The following IGF2BP2 variants were observed in gnomAD, a reference collection of about 807,000 sequenced individuals.
IGF2BP2 encodes insulin like growth factor 2 mRNA binding protein 2.
Under a neutral mutation model 75.8 loss-of-function variants are expected in IGF2BP2, and 17 were observed. The ratio of observed to expected loss-of-function variants is 0.22; its 90% CI spans 0.15 to 0.34. The LOEUF is 0.34. IGF2BP2 is among the 10% of genes least tolerant of loss of function. IGF2BP2 has a pLI of 1.00. For synonymous variants in IGF2BP2, 288 were observed against 295.6 expected, an observed-to-expected ratio of 0.97 and a Z score of 0.26; for missense variants, 516 against 772.4, an observed-to-expected ratio of 0.67 and a Z score of 3.93.
intron 2 of IGF2BP2, among the ~76,000 whole-genome samples, chr3:185,735,295 G>A (rs991333962): frequency 3.3e-5 from 5 of 152,006 alleles, no homozygotes; most frequent in African/African-American, 1.2e-4. Flanking sequence ...ACAGGCATTA[G>A]CCACCACACC....
At chr3:185,772,533 C>G (rs1336553263) in intron 2 of IGF2BP2, among the ~76,000 whole-genome samples, 1 of 150,838 alleles carries the variant, frequency 6.6e-6, no homozygotes, top group African/African-American at 2.4e-5. Context: ...TCAATCATTA[C>G]AATGGGATAA....
chr3:185,721,534 C>T (rs889362213), intron 2 of IGF2BP2, among the ~76,000 whole-genome samples: 3 of 152,092 alleles, frequency 2.0e-5, no homozygotes, highest in African/African-American at 7.2e-5. Flanking sequence ...TTTCTTTTCT[C>T]TTTTTAATGG....
intron 10 of IGF2BP2, among the ~76,000 whole-genome samples, chr3:185,661,702 G>A (rs564818720): frequency 4.0e-5 from 6 of 151,300 alleles, no homozygotes; most frequent in Admixed American, 6.6e-5. Context: ...CCCGGGTCCC[G>A]GGTGCTGGGG....
At chr3:185,720,098 G>A (rs544170730) in intron 2 of IGF2BP2, among the ~76,000 whole-genome samples, 1 of 152,296 alleles carries the variant, frequency 6.6e-6, no homozygotes, top group African/African-American at 2.4e-5. Flanking sequence ...GGAGCTTGTG[G>A]GCACTGAGCG....
chr3:185,661,866 T>C (rs1341470208), intron 10 of IGF2BP2, among the ~76,000 whole-genome samples: 4 of 151,970 alleles, frequency 2.6e-5, no homozygotes, highest in African/African-American at 7.2e-5. Flanking sequence ...AAAAGACTGC[T>C]GCAGTCAAGA....
At chr3:185,798,279 C>T (rs935933259) in intron 2 of IGF2BP2, among the ~76,000 whole-genome samples, 6 of 152,098 alleles carry the variant, frequency 3.9e-5, no homozygotes, top group African/African-American at 1.4e-4. Flanking sequence ...GACTGGGCCC[C>T]GGTGTTTTAT....
intron 2 of IGF2BP2, among the ~76,000 whole-genome samples, chr3:185,760,018 A>G (rs1732143176): frequency 6.6e-6 from 1 of 152,256 alleles, no homozygotes; most frequent in Non-Finnish European, 1.5e-5. Flanking sequence ...ACTTCAGTAT[A>G]TAAAAGATAA....
chr3:185,648,508 C>G (rs1323791697), intron 14 of IGF2BP2, among the ~76,000 whole-genome samples: 2 of 150,360 alleles, frequency 1.3e-5, no homozygotes, highest in Non-Finnish European at 3.0e-5. Context: ...AAATAACACA[C>G]ATATACATAT....
intron 2 of IGF2BP2, among the ~76,000 whole-genome samples, chr3:185,759,787 G>C (rs1732113593): frequency 6.6e-6 from 1 of 152,312 alleles, no homozygotes. Flanking sequence ...CATGAGCAAG[G>C]ACTCTGGCTA....
At chr3:185,790,357 A>G (rs1030546972) in intron 2 of IGF2BP2, among the ~76,000 whole-genome samples, 2 of 152,216 alleles carry the variant, frequency 1.3e-5, no homozygotes, top group Admixed American at 6.5e-5. Context: ...TACATTGTCT[A>G]GATCAAACAC....
rs1339337878 is a variant in IGF2BP2 at position 185,644,586 on chromosome 3, G to GC, written c.*944dup. On this transcript the variant is annotated 3_prime_UTR_variant, in exon 16 of 16. Coordinates refer to ENST00000382199, the MANE Select transcript of IGF2BP2 (RefSeq NM_006548.6). ...GATGTGATACTCAGAGCACTGCTTTGCCTGGGGGGGGGGGGGTGCGTAGAT... is the reference window on the plus strand; with the variant it reads ...GATGTGATACTCAGAGCACTGCTTTGCCCTGGGGGGGGGGGGGTGCGTAGAT... 1 of 59,410 alleles carries GC rather than the reference G, an allele frequency of 1.7e-5. No individual in the cohort carries two copies. Among genetic ancestry groups the GC allele is most frequent in the Non-Finnish European group, 3.9e-5 (1 of 25,578 alleles). The allele number at this position is 59,410 out of a possible 1,614,324, so 3.7% of individuals were successfully genotyped here.
At chr3:185,689,738 G>A in intron 5 of IGF2BP2, 111 bp from the exon 6 acceptor site, 2 of 1,220,840 alleles carry the variant, frequency 1.6e-6, no homozygotes, top group South Asian at 2.6e-5. Flanking sequence ...GGAGGCCGAG[G>A]CGGGTGGATC....
intron 2 of IGF2BP2, among the ~76,000 whole-genome samples, chr3:185,802,139 C>T (rs1391212142): frequency 2.0e-5 from 3 of 151,918 alleles, no homozygotes; most frequent in African/African-American, 7.3e-5. Context: ...ATGTAACAAA[C>T]CTGCATGTTC....
At chr3:185,726,073 G>A (rs887039439) in intron 2 of IGF2BP2, among the ~76,000 whole-genome samples, 12 of 152,190 alleles carry the variant, frequency 7.9e-5, no homozygotes, top group Non-Finnish European at 1.6e-4. Context: ...CTGTATTTAG[G>A]AGAACAGGTG....
chr3:185,744,333 T>C (rs1047312919), intron 2 of IGF2BP2, among the ~76,000 whole-genome samples: 2 of 152,208 alleles, frequency 1.3e-5, no homozygotes. Context: ...TTTATACTCA[T>C]TCATTAAACT....
At chr3:185,803,850 G>A (rs1021019149) in intron 2 of IGF2BP2, among the ~76,000 whole-genome samples, 2 of 152,222 alleles carry the variant, frequency 1.3e-5, no homozygotes, top group Non-Finnish European at 2.9e-5. Context: ...CAGGCTGGAC[G>A]CAGTGGCTCA....
At chr3:185,712,855 A>G (rs1357115720) in intron 2 of IGF2BP2, among the ~76,000 whole-genome samples, 1 of 152,148 alleles carries the variant, frequency 6.6e-6, no homozygotes, top group Non-Finnish European at 1.5e-5. Context: ...AAATCAAAAA[A>G]CAATGGGTTT....
intron 2 of IGF2BP2, among the ~76,000 whole-genome samples, chr3:185,727,372 C>A (rs1447967408): frequency 6.6e-6 from 1 of 152,120 alleles, no homozygotes; most frequent in African/African-American, 2.4e-5. Context: ...GGGCTATGCA[C>A]CAGCCTTAGC....
At chr3:185,715,705 A>G (rs970501900) in intron 2 of IGF2BP2, among the ~76,000 whole-genome samples, 1 of 151,520 alleles carries the variant, frequency 6.6e-6, no homozygotes, top group Non-Finnish European at 1.5e-5. Flanking sequence ...GTGCAATGGC[A>G]TGGTCTCGGC....
Sources: gnomAD v4.1 joint callset for allele counts (sites outside exome capture counted in the v4.1 genomes callset) on GRCh38, gnomAD v4.1.1 for gene constraint, MANE v1.5 for transcripts, NCBI Gene and HGNC (gene_info 2026-07-23, HGNC 2026-07-21) for gene names.